TBP: variants seen among roughly 807,000 people sequenced by gnomAD.
TBP encodes the protein TATA-box binding protein.
In TBP, 12 loss-of-function variants were observed where a neutral mutation model predicts 46.2. The ratio of observed to expected loss-of-function variants is 0.26; its 90% confidence interval spans 0.17 to 0.42. The LOEUF (loss-of-function observed/expected upper bound fraction) is 0.42. TBP is among the 10% of genes least tolerant of loss of function. The pLI, the probability that TBP is intolerant of heterozygous loss-of-function variation, is 1.00. For missense variants in TBP, 229 were observed against 403.1 expected (o/e 0.57, Z 3.70); for synonymous variants, 157 against 148.3 (o/e 1.06, Z -0.42).
intron 1 of TBP, among the ~76,000 whole-genome samples, chr6:170,555,406 A>G (rs528875120): frequency 5.3e-5 from 8 of 152,324 alleles, no homozygotes; most frequent in East Asian, 1.9e-4. Flanking sequence ...ATTATTGCCT[A>G]TGCAATAACA....
chr6:170,571,980 A>T (rs2115004263), intron 7 of TBP, among the ~76,000 whole-genome samples: 1 of 152,008 alleles, frequency 6.6e-6, no homozygotes, highest in East Asian at 2.0e-4. Context: ...TGGAGTCACT[A>T]AGATGATTTT....
At chr6:170,557,186 G>A (rs1779045128) in intron 2 of TBP, 103 bp downstream of exon 2, 1 of 1,120,492 alleles carries the variant, frequency 8.9e-7, no homozygotes, top group Non-Finnish European at 1.3e-6. Context: ...TTTTGAAAAT[G>A]GTTTAATATG....
chr6:170,558,896 G>T (rs1278992116), intron 2 of TBP, among the ~76,000 whole-genome samples: 1 of 152,068 alleles, frequency 6.6e-6, no homozygotes, highest in Non-Finnish European at 1.5e-5. Context: ...GTTTCACCAT[G>T]CTGGTGTCAA....
chr6:170,564,762 T>C, intron 4 of TBP, 130 bp downstream of exon 4: 1 of 443,160 alleles, frequency 2.3e-6, no homozygotes, highest in Non-Finnish European at 3.8e-6. Flanking sequence ...GGCTAATGCC[T>C]GTAATCCCAG....
chr6:170,566,250 A>G (rs747148268), intron 4 of TBP, among the ~76,000 whole-genome samples: 2 of 152,256 alleles, frequency 1.3e-5, no homozygotes, highest in Admixed American at 6.5e-5. Context: ...AACTGAGGCC[A>G]TTAATTCAAC....
At chr6:170,564,314 C>G (rs1779202804) in intron 3 of TBP, among the ~76,000 whole-genome samples, 1 of 152,112 alleles carries the variant, frequency 6.6e-6, no homozygotes, top group African/African-American at 2.4e-5. Flanking sequence ...CTTATTTATC[C>G]AAATGTGGGA....
rs1779364927 is a variant in TBP at position 170,571,467 on chromosome 6, T to C, written c.903T>C (p.Val301=). 1.2e-6 allele frequency: 2 copies of C among 1,613,914 alleles called. No individual in the cohort carries two copies. The highest frequency in any genetic ancestry group is 2.7e-5 in the African/African-American group (2 of 74,936). ...LIYRMIKPRI[V]LLIFVSGKVV... Reference sequence around the variant, plus strand: ...ACAGAATGATCAAACCCAGAATTGTTCTCCTTATTTTTGTTTCTGGAAAAG... The same window carrying C: ...ACAGAATGATCAAACCCAGAATTGTCCTCCTTATTTTTGTTTCTGGAAAAG... Residue 301 remains valine, a synonymous_variant, in exon 7 of 8, where the codon GTT becomes GTC. Coordinates refer to ENST00000392092, the MANE Select transcript of TBP (RefSeq NM_003194.5).
At chr6:170,570,914 A>G (rs1779355902) in intron 6 of TBP, among the ~76,000 whole-genome samples, 1 of 152,226 alleles carries the variant, frequency 6.6e-6, no homozygotes, top group South Asian at 2.1e-4. Context: ...GCTAGTATAT[A>G]AGTTTGATTA....
chr6:170,555,274 C>G (rs1480069441), intron 1 of TBP, among the ~76,000 whole-genome samples: 1 of 152,236 alleles, frequency 6.6e-6, no homozygotes, highest in Non-Finnish European at 1.5e-5. Context: ...GTCATTATCT[C>G]TTGCCTCAAC....
chr6:170,554,837 C>T (rs1778985086), intron 1 of TBP: 1 of 152,260 alleles, frequency 6.6e-6, no homozygotes, highest in Non-Finnish European at 1.5e-5. Flanking sequence ...AGATCTGTGC[C>T]CGCCTGTTTT....
Position 170,561,942 on chromosome 6 carries a change from AGC to A in TBP, c.207_208del (p.Gln70AlafsTer107). 1 of 1,588,878 alleles carries A rather than the reference AGC, an allele frequency of 6.3e-7. No individual in the cohort carries two copies. The highest frequency in any genetic ancestry group is 8.5e-7 in the Non-Finnish European group (1 of 1,169,686). Reference sequence around the variant, plus strand: ...CAACAACAACAGCAGCAGCAGCAGCAGCAGCAGCAACAGCAACAGCAGCAGCA... The same window carrying A: ...CAACAACAACAGCAGCAGCAGCAGCAAGCAGCAACAGCAACAGCAGCAGCA... On this transcript the variant is annotated frameshift_variant, in exon 3 of 8. Transcript: ENST00000392092. LOFTEE classifies it high-confidence loss of function.
chr6:170,567,910 T>G (rs1350739950), intron 5 of TBP, among the ~76,000 whole-genome samples: 1 of 152,244 alleles, frequency 6.6e-6, no homozygotes, highest in Non-Finnish European at 1.5e-5. Context: ...TTAGTGACAT[T>G]AGCTTCATAA....
Position 170,571,619 on chromosome 6 carries a change from A to G in TBP, c.940+115A>G, listed in dbSNP as rs1160632571. The G allele has an allele frequency of 5.2e-6, 4 of 774,648 alleles. No homozygotes were observed. In the Admixed American group the frequency reaches 9.2e-5, roughly 18 times the overall value. 48.0% of individuals were successfully genotyped at this position (774,648 alleles called of 1,614,324 possible). A position where few individuals can be genotyped will look rare whatever the true frequency, so the allele number is the denominator to read the frequency against. On this transcript the variant is annotated intron_variant, in intron 7 of 7. Transcript: ENST00000392092. ...GACAGTGGGCTAGCTTCTTGTACAA[A>G]GGCCTCCCACCCAAAGTCTGATGAG... is the stretch of plus-strand genomic sequence containing the variant.
intron 5 of TBP, chr6:170,567,346 G>A (rs902427266): frequency 1.2e-4 from 19 of 153,710 alleles, no homozygotes; most frequent in African/African-American, 2.9e-4. Flanking sequence ...TTAGCCAGGC[G>A]TGGTAGTGGA....
In TBP at chr6:170,568,815, C is replaced by CTTTTTTTTTTTTTTTTTTTTT. The variant is rs377394208; in HGVS notation, c.678-790_678-770dup. 1.5e-3 allele frequency among the ~76,000 whole-genome samples: 95 copies of CTTTTTTTTTTTTTTTTTTTTT among 62,598 alleles called. 30 individuals are homozygous for CTTTTTTTTTTTTTTTTTTTTT. Among genetic ancestry groups the CTTTTTTTTTTTTTTTTTTTTT allele is most frequent in the African/African-American group, 3.5e-3 (52 of 14,820 alleles). The allele number at this position is 62,598 out of a possible 152,430, so 41.1% of individuals were successfully genotyped here. A position where few individuals can be genotyped will look rare whatever the true frequency, so the allele number is the denominator to read the frequency against. On this transcript the variant is annotated intron_variant, in intron 5 of 7. Coordinates refer to ENST00000392092, the MANE Select transcript of TBP (RefSeq NM_003194.5). Reference sequence around the variant, plus strand: ...TTCTCTTCTTTCTTTCTTTCCTTTTCTTTTTTTTTTTTTTTTTTTTTTTTT... The same window carrying CTTTTTTTTTTTTTTTTTTTTT: ...TTCTCTTCTTTCTTTCTTTCCTTTTCTTTTTTTTTTTTTTTTTTTTTTTTTTTTTTTTTTTTTTTTTTTTTT...
Position 170,556,870 on chromosome 6 carries a change from T to C in TBP, c.-148-12T>C. 1 of 707,356 alleles carries C rather than the reference T, an allele frequency of 1.4e-6. No homozygotes were observed. The highest frequency in any genetic ancestry group is 2.4e-6 in the Non-Finnish European group (1 of 408,528). 43.8% of individuals were successfully genotyped at this position (707,356 alleles called of 1,614,324 possible). A position where few individuals can be genotyped will look rare whatever the true frequency, so the allele number is the denominator to read the frequency against. ...ATCCTTAAATTAAACTTTAGACTTT[T>C]TTCCAAAGCAGCATCACTGTTTCTT... On this transcript the variant is annotated splice_polypyrimidine_tract_variant and intron_variant, in intron 1 of 7. Transcript: ENST00000392092.
At chr6:170,562,274 C>T (rs756459088) in intron 3 of TBP, 41 bp downstream of exon 3, 7 of 1,575,522 alleles carry the variant, frequency 4.4e-6, no homozygotes, top group Non-Finnish European at 8.7e-7. Context: ...ACTTAGGAGT[C>T]CCTTTGAGTT....
intron 2 of TBP, among the ~76,000 whole-genome samples, chr6:170,561,352 T>C (rs775111166): frequency 6.6e-6 from 1 of 152,220 alleles, no homozygotes; most frequent in Non-Finnish European, 1.5e-5. Context: ...GAGGTATGCC[T>C]GTATCTTCAT....
chr6:170,569,320 T>C (rs1177113916), intron 5 of TBP, among the ~76,000 whole-genome samples: 2 of 152,220 alleles, frequency 1.3e-5, no homozygotes, highest in Non-Finnish European at 2.9e-5. Context: ...TGGGCTAAAA[T>C]ACAGAAATAG....
Sources: gnomAD v4.1 joint callset for allele counts (sites outside exome capture counted in the v4.1 genomes callset) on GRCh38, gnomAD v4.1.1 for gene constraint, MANE v1.5 for transcripts, NCBI Gene and HGNC (gene_info 2026-07-23, HGNC 2026-07-21) for gene names.